The following FIRRM variants were observed in gnomAD, a reference collection of about 807,000 sequenced individuals.
The protein encoded by FIRRM is FIGNL1-interacting regulator of recombination and mitosis.
At chr1:169,803,169 A>G in the FIRRM span, 1 of 1,612,556 alleles carries the variant, frequency 6.2e-7, no homozygotes, top group Non-Finnish European at 8.5e-7. Context: ...TTATTCACAG[A>G]CAATGGTGCA....
At chr1:169,822,700 A>G in the FIRRM span, among the ~76,000 whole-genome samples, 1 of 151,874 alleles carries the variant, frequency 6.6e-6, no homozygotes, top group Non-Finnish European at 1.5e-5. Context: ...GGGTTTCACC[A>G]TGTTGGTCAG....
chr1:169,789,661 T>C, the FIRRM span, among the ~76,000 whole-genome samples: 1 of 152,034 alleles, frequency 6.6e-6, no homozygotes, highest in Non-Finnish European at 1.5e-5. Context: ...AAAGACAATT[T>C]AGGAATGCAG....
At chr1:169,830,841 A>T in the FIRRM span, 1 of 1,093,498 alleles carries the variant, frequency 9.1e-7, no homozygotes, top group South Asian at 1.3e-5. Flanking sequence ...GGCGGGAGAA[A>T]TATCACAGTA....
the FIRRM span, among the ~76,000 whole-genome samples, chr1:169,826,493 G>T: frequency 1.3e-5 from 2 of 151,714 alleles, no homozygotes; most frequent in Non-Finnish European, 2.9e-5. Flanking sequence ...CTCCCGAGTA[G>T]CTGGGATTAC....
chr1:169,829,519 A>G, the FIRRM span: 2 of 1,397,990 alleles, frequency 1.4e-6, no homozygotes, highest in Non-Finnish European at 1.9e-6. Flanking sequence ...ATTGTGATTC[A>G]TATACAGAAG....
the FIRRM span, among the ~76,000 whole-genome samples, chr1:169,807,068 TG>T: frequency 6.6e-6 from 1 of 152,212 alleles, no homozygotes; most frequent in African/African-American, 2.4e-5. Flanking sequence ...CTCTATTGCT[TG>T]AAGTCTATCC....
the FIRRM span, chr1:169,843,830 T>G: frequency 1.0e-6 from 1 of 993,164 alleles, no homozygotes; most frequent in Non-Finnish European, 1.6e-6. Context: ...ACTGCTATCA[T>G]GTAAAATAAC....
chr1:169,814,826 A>T, the FIRRM span, among the ~76,000 whole-genome samples: 4 of 152,136 alleles, frequency 2.6e-5, no homozygotes, highest in Admixed American at 2.6e-4. Flanking sequence ...GGAGACTCAA[A>T]AGTTATCCTC....
the FIRRM span, chr1:169,851,808 C>T: frequency 6.2e-7 from 1 of 1,612,936 alleles, no homozygotes; most frequent in African/African-American, 1.3e-5. Flanking sequence ...TTTTCATGGT[C>T]CCTGGCAGAC....
chr1:169,829,118 A>G, the FIRRM span: 8 of 632,152 alleles, frequency 1.3e-5, no homozygotes, highest in African/African-American at 1.3e-4. Flanking sequence ...ATGTGTACAT[A>G]TTCACACGTG....
At chr1:169,832,741 C>G in the FIRRM span, among the ~76,000 whole-genome samples, 22 of 152,028 alleles carry the variant, frequency 1.4e-4, no homozygotes, top group East Asian at 3.9e-3. Flanking sequence ...GTAGCTGGGA[C>G]TACAGGCACA....
At chr1:169,795,661 A>G in the FIRRM span, 2 of 990,436 alleles carry the variant, frequency 2.0e-6, no homozygotes, top group South Asian at 9.2e-5. Flanking sequence ...GGTGGTGAAT[A>G]TGAATAAGGG....
chr1:169,837,338 T>A, the FIRRM span, among the ~76,000 whole-genome samples: 11 of 152,206 alleles, frequency 7.2e-5, 1 homozygote, highest in Admixed American at 7.2e-4. Context: ...CTATGTCGCT[T>A]AAGGTATGTT....
chr1:169,799,338 G>A, the FIRRM span, among the ~76,000 whole-genome samples: 3 of 152,260 alleles, frequency 2.0e-5, no homozygotes, highest in East Asian at 5.8e-4. Flanking sequence ...AAAGCTGATT[G>A]TCTAGGTGAT....
the FIRRM span, chr1:169,792,727 G>A: frequency 6.2e-7 from 1 of 1,613,816 alleles, no homozygotes; most frequent in South Asian, 1.1e-5. Flanking sequence ...AATGTGCTTT[G>A]CTGGCCAAAA....
At chr1:169,852,413 G>A in the FIRRM span, 3 of 267,724 alleles carry the variant, frequency 1.1e-5, no homozygotes, top group Admixed American at 1.5e-4. Context: ...TAGTATAGTA[G>A]TAATTCATGA....
the FIRRM span, among the ~76,000 whole-genome samples, chr1:169,794,353 G>C: frequency 6.6e-6 from 1 of 152,160 alleles, no homozygotes; most frequent in African/African-American, 2.4e-5. Context: ...GGTATGGCCT[G>C]GTGTGTGTAA....
chr1:169,829,530 A>G, the FIRRM span: 1 of 1,303,268 alleles, frequency 7.7e-7, no homozygotes, highest in Non-Finnish European at 1.0e-6. Flanking sequence ...TATACAGAAG[A>G]AAATGTGGGA....
chr1:169,826,401 C>T, the FIRRM span, among the ~76,000 whole-genome samples: 925 of 137,560 alleles, frequency 6.7e-3, 2 homozygotes, highest in Middle Eastern at 0.016. Flanking sequence ...TTCACTCTGC[C>T]GCCCAGGCTG....
Sources: gnomAD v4.1 joint callset for allele counts (sites outside exome capture counted in the v4.1 genomes callset) on GRCh38, gnomAD v4.1.1 for gene constraint, MANE v1.5 for transcripts, NCBI Gene and HGNC (gene_info 2026-07-23, HGNC 2026-07-21) for gene names.